CRISPLD2: variants seen among roughly 807,000 people sequenced by gnomAD.
The protein encoded by CRISPLD2 is cysteine rich secretory protein LCCL domain containing 2.
In CRISPLD2, 47 loss-of-function variants were observed where a neutral mutation model predicts 71.1. The ratio of observed to expected loss-of-function variants is 0.66; its 90% CI spans 0.52 to 0.84. The LOEUF is 0.84. Ranked by LOEUF, CRISPLD2 falls within the 40% of genes least tolerant of loss-of-function variation. The probability of loss-of-function intolerance (pLI) is 0.00; values close to 1 mark genes in which losing one functional copy is unlikely to be tolerated. For synonymous variants in CRISPLD2, 317 were observed against 250.1 expected (o/e 1.27, Z -2.52); for missense variants, 830 against 651.1 (o/e 1.27, Z -2.99).
chr16:84,895,506 A>C (rs529881254), intron 14 of CRISPLD2, among the ~76,000 whole-genome samples: 4 of 152,342 alleles, frequency 2.6e-5, no homozygotes, highest in South Asian at 4.1e-4. Flanking sequence ...GCTGATTTAT[A>C]ACTTTTCTTG....
intron 6 of CRISPLD2, among the ~76,000 whole-genome samples, chr16:84,865,475 C>G (rs1364952426): frequency 6.6e-6 from 1 of 152,164 alleles, no homozygotes; most frequent in Non-Finnish European, 1.5e-5. Context: ...GGATTTTAAT[C>G]CAAAACCACA....
intron 5 of CRISPLD2, among the ~76,000 whole-genome samples, chr16:84,853,891 G>A (rs1002807827): frequency 1.3e-5 from 2 of 152,236 alleles, no homozygotes; most frequent in Non-Finnish European, 2.9e-5. Context: ...CATGCTGGCA[G>A]CCTGGGGCCC....
In CRISPLD2 at chr16:84,850,637, G is replaced by A; in HGVS notation, c.562G>A (p.Glu188Lys). 1 of 1,614,208 alleles carries A rather than the reference G, an allele frequency of 6.2e-7. No homozygotes were observed. The highest frequency in any genetic ancestry group is 8.5e-7 in the Non-Finnish European group (1 of 1,180,034). The change falls in exon 5 of 15, where the codon GAA becomes AAA. Residue 188 changes from glutamate to lysine, a missense_variant. Physicochemically the swap from Glu to Lys is moderately conservative, Grantham distance 56 (BLOSUM62 1). Coordinates refer to ENST00000262424, the MANE Select transcript of CRISPLD2 (RefSeq NM_031476.4). ...CTGCCGGAAGATGACTGTCTGGGGA[G>A]AAGTTTGGGAGAACGCGGTCTACTT... is the stretch of plus-strand genomic sequence containing the variant. ...NTCRKMTVWG[E>K]VWENAVYFVC...
chr16:84,851,136 C>A (rs1187988179), intron 5 of CRISPLD2, among the ~76,000 whole-genome samples: 3 of 152,228 alleles, frequency 2.0e-5, no homozygotes, highest in African/African-American at 7.2e-5. Context: ...GCTGGGCAAC[C>A]AGCATGGTCT....
In CRISPLD2 at chr16:84,877,517, C is replaced by T. The variant is rs201351334; in HGVS notation, c.1229+7C>T. 31 of 1,613,248 alleles carry T rather than the reference C, an allele frequency of 1.9e-5. No individual in the cohort carries two copies. The highest frequency in any genetic ancestry group is 1.7e-4 in the Middle Eastern group (1 of 6,056). On this transcript the variant is annotated splice_region_variant and intron_variant, in intron 12 of 14. Transcript: ENST00000262424. Reference sequence around the variant, plus strand: ...CAGCAACTCACTGCCCAAGGTAAGGCGGGCCTGATCTGTCATCTTTTCTAT... The same window carrying T: ...CAGCAACTCACTGCCCAAGGTAAGGTGGGCCTGATCTGTCATCTTTTCTAT...
intron 11 of CRISPLD2, among the ~76,000 whole-genome samples, chr16:84,876,659 G>A (rs2071521103): frequency 6.6e-6 from 1 of 152,100 alleles, no homozygotes; most frequent in Non-Finnish European, 1.5e-5. Flanking sequence ...TGGCTGTGGT[G>A]GCAGGCGCCT....
chr16:84,835,184 A>C (rs1916586719), intron 1 of CRISPLD2, among the ~76,000 whole-genome samples: 1 of 152,056 alleles, frequency 6.6e-6, no homozygotes, highest in African/African-American at 2.4e-5. Context: ...TCCACCTCCC[A>C]GGTTCAAGCA....
intron 1 of CRISPLD2, among the ~76,000 whole-genome samples, chr16:84,830,295 C>T (rs1054063536): frequency 6.6e-6 from 1 of 152,106 alleles, no homozygotes; most frequent in Non-Finnish European, 1.5e-5. Flanking sequence ...GCACTCTAGC[C>T]TGGGTAATAG....
intron 1 of CRISPLD2, among the ~76,000 whole-genome samples, chr16:84,834,919 G>T (rs527912839): frequency 6.6e-6 from 1 of 152,050 alleles, no homozygotes; most frequent in South Asian, 2.1e-4. Context: ...CTCCGCAAAG[G>T]CCCCGTCTCC....
At chr16:84,885,602 T>C (rs374323293) in intron 13 of CRISPLD2, among the ~76,000 whole-genome samples, 21 of 152,184 alleles carry the variant, frequency 1.4e-4, no homozygotes, top group African/African-American at 4.8e-4. Context: ...CCCTCATCCG[T>C]TTAGTTTATT....
At chr16:84,897,166 G>A (rs1042206590) in intron 14 of CRISPLD2, among the ~76,000 whole-genome samples, 6 of 152,298 alleles carry the variant, frequency 3.9e-5, no homozygotes, top group African/African-American at 9.6e-5. Flanking sequence ...TTTCTAGGCC[G>A]GGTGCGGCGG....
chr16:84,900,290 G>A (rs545779908), intron 14 of CRISPLD2, among the ~76,000 whole-genome samples: 5 of 152,240 alleles, frequency 3.3e-5, no homozygotes, highest in South Asian at 2.1e-4. Flanking sequence ...GCCTGCTCTC[G>A]GAGGATTGCA....
At chr16:84,859,375 G>A (rs1462772491) in intron 6 of CRISPLD2, among the ~76,000 whole-genome samples, 6 of 152,224 alleles carry the variant, frequency 3.9e-5, no homozygotes, top group African/African-American at 1.2e-4. Context: ...CCTGCTCAGA[G>A]CCAGTGTCCA....
chr16:84,891,253 G>A (rs1204802485), intron 14 of CRISPLD2, among the ~76,000 whole-genome samples: 1 of 152,214 alleles, frequency 6.6e-6, no homozygotes, highest in East Asian at 1.9e-4. Context: ...CTTGCCCTGG[G>A]CCCCTGGACG....
intron 12 of CRISPLD2, 35 bp from the exon 13 acceptor site, chr16:84,880,474 T>C (rs1670158806): frequency 6.3e-7 from 1 of 1,585,600 alleles, no homozygotes; most frequent in Non-Finnish European, 8.6e-7. Context: ...TTTTCTGTGC[T>C]CAGACCCATC....
At chr16:84,840,870 G>T (rs533522507) in intron 2 of CRISPLD2, among the ~76,000 whole-genome samples, 1 of 152,274 alleles carries the variant, frequency 6.6e-6, no homozygotes, top group South Asian at 2.1e-4. Flanking sequence ...GTGTGGGTAG[G>T]AGGCTCTGCT....
rs2071828204 is a variant in CRISPLD2, at chr16:84,908,839, C to G, written c.*2197C>G. The G allele has an allele frequency of 6.6e-6, 1 of 152,132 alleles. No homozygotes were observed. The highest frequency in any genetic ancestry group is 1.5e-5 in the Non-Finnish European group (1 of 68,060). The allele number at this position is 152,132 out of a possible 1,614,324, so 9.4% of individuals were successfully genotyped here. The stretch of plus-strand genomic sequence containing the variant: ...AAGTACCTGGGACTACAGGCGTGAG[C>G]TACCATGCCCGGCTAATTTTTGTAT... On this transcript the variant is annotated 3_prime_UTR_variant, in exon 15 of 15. Coordinates refer to ENST00000262424, the MANE Select transcript of CRISPLD2 (RefSeq NM_031476.4).
intron 1 of CRISPLD2, among the ~76,000 whole-genome samples, chr16:84,830,010 C>T (rs1350551458): frequency 6.6e-6 from 1 of 152,224 alleles, no homozygotes; most frequent in African/African-American, 2.4e-5. Flanking sequence ...TGGCTCATAC[C>T]AGCTCTTGAG....
At chr16:84,877,365 C>T (rs750878849) in intron 11 of CRISPLD2, 73 bp from the exon 12 acceptor site, 1 of 1,371,344 alleles carries the variant, frequency 7.3e-7, no homozygotes, top group Non-Finnish European at 1.0e-6. Context: ...TCTAGTGGCC[C>T]ATTGCACAGC....
Sources: gnomAD v4.1 joint callset for allele counts (sites outside exome capture counted in the v4.1 genomes callset) on GRCh38, gnomAD v4.1.1 for gene constraint, MANE v1.5 for transcripts, NCBI Gene and HGNC (gene_info 2026-07-23, HGNC 2026-07-21) for gene names.